TBC1D14: variants seen among roughly 807,000 people sequenced by gnomAD.
TBC1D14 encodes TBC1 domain family, member 14.
Under a neutral mutation model 79.0 loss-of-function variants are expected in TBC1D14, and 26 were observed. That is an observed-to-expected ratio of 0.33 (90% CI 0.24 to 0.46). TBC1D14 has a LOEUF of 0.46. TBC1D14 is among the 20% of genes least tolerant of loss of function. The pLI is 1.00. For missense variants in TBC1D14, 769 were observed against 887.6 expected, an observed-to-expected ratio of 0.87 and a Z score of 1.70; for synonymous variants, 394 against 349.9, an observed-to-expected ratio of 1.13 and a Z score of -1.40.
At chr4:6,922,673 C>T (rs1723958169) in intron 1 of TBC1D14, among the ~76,000 whole-genome samples, 1 of 152,104 alleles carries the variant, frequency 6.6e-6, no homozygotes, top group Admixed American at 6.5e-5. Context: ...CAAGTAGATC[C>T]TTGACTTATG....
chr4:6,914,794 C>T (rs1577448891), intron 1 of TBC1D14, among the ~76,000 whole-genome samples: 4 of 152,192 alleles, frequency 2.6e-5, no homozygotes, highest in Admixed American at 2.6e-4. Context: ...AATCCCAGCA[C>T]TTTGGGAGGC....
rs369023167 is a variant in TBC1D14 at position 6,973,676 on chromosome 4, C to T, written c.843+6252C>T. ...TTTTTTTTTCCCTTCCAATATTTCT[C>T]AGCCTGAACTCAGGCAGACCCAAAC... On this transcript the variant is annotated intron_variant, in intron 3 of 13. Coordinates refer to ENST00000409757, the MANE Select transcript of TBC1D14 (RefSeq NM_020773.3). Among the ~76,000 whole-genome samples the T allele has an allele frequency of 4.6e-5, 7 of 152,234 alleles. 1 individual carries two copies. In the East Asian group the frequency reaches 1.2e-3, roughly 25 times the overall value.
chr4:6,979,649 T>G (rs1190908075), intron 3 of TBC1D14, among the ~76,000 whole-genome samples: 1 of 152,146 alleles, frequency 6.6e-6, no homozygotes, highest in Non-Finnish European at 1.5e-5. Flanking sequence ...GACCCAACTA[T>G]GTATATGTTG....
chr4:7,024,062 T>C (rs1722094491), intron 12 of TBC1D14, among the ~76,000 whole-genome samples: 2 of 152,212 alleles, frequency 1.3e-5, no homozygotes, highest in African/African-American at 4.8e-5. Flanking sequence ...CCTCGGGACC[T>C]GGAGGACAGG....
intron 9 of TBC1D14, among the ~76,000 whole-genome samples, chr4:7,008,049 A>G (rs1417123969): frequency 1.3e-5 from 2 of 152,222 alleles, no homozygotes; most frequent in Non-Finnish European, 2.9e-5. Flanking sequence ...TAGTTTGTTC[A>G]TCTGTAACAG....
Position 6,929,390 on chromosome 4 carries a change from C to G in TBC1D14, c.722+5279C>G, listed in dbSNP as rs1711532935. 2.0e-5 allele frequency among the ~76,000 whole-genome samples: 3 copies of G among 152,300 alleles called. No individual in the cohort carries two copies. The South Asian group carries it at 6.2e-4, about 32-fold the overall frequency. ...GCTGGAGGCCACTGGGTCAGTCCCT[C>G]TACTGTGTGATGAGGATCTGGAGAG... On this transcript the variant is annotated intron_variant, in intron 2 of 13. Coordinates refer to ENST00000409757, the MANE Select transcript of TBC1D14 (RefSeq NM_020773.3).
At chr4:7,026,860 G>T (rs891847299) in intron 13 of TBC1D14, among the ~76,000 whole-genome samples, 1 of 152,112 alleles carries the variant, frequency 6.6e-6, no homozygotes, top group Non-Finnish European at 1.5e-5. Context: ...TTGCGGCACT[G>T]TGCTTCAGCC....
intron 1 of TBC1D14, among the ~76,000 whole-genome samples, chr4:6,919,054 A>G (rs537372438): frequency 6.6e-6 from 1 of 152,244 alleles, no homozygotes; most frequent in Admixed American, 6.5e-5. Context: ...GTTCACGCGT[A>G]GGGAGGCGAT....
chr4:6,987,471 A>C (rs566081407), intron 3 of TBC1D14: 12 of 967,248 alleles, frequency 1.2e-5, no homozygotes, highest in African/African-American at 1.2e-4. Flanking sequence ...GCGAGTGTGC[A>C]TGTGTGCGGT....
intron 3 of TBC1D14, among the ~76,000 whole-genome samples, chr4:6,972,855 A>G (rs1404585328): frequency 6.6e-6 from 1 of 152,206 alleles, no homozygotes; most frequent in Non-Finnish European, 1.5e-5. Context: ...ACCATTTAAA[A>G]AGTAAAAGTG....
intron 2 of TBC1D14, among the ~76,000 whole-genome samples, chr4:6,956,724 G>A (rs1714676146): frequency 1.3e-5 from 2 of 152,256 alleles, no homozygotes; most frequent in Admixed American, 6.5e-5. Flanking sequence ...CTCAGCCAAT[G>A]CAGGTGATAC....
At chr4:6,931,807 G>A (rs780568190) in intron 2 of TBC1D14, among the ~76,000 whole-genome samples, 29 of 152,042 alleles carry the variant, frequency 1.9e-4, no homozygotes, top group Non-Finnish European at 3.7e-4. Flanking sequence ...CCTGCCATAT[G>A]CCAAGGCACT....
At chr4:7,024,899 A>G (rs959288253) in intron 12 of TBC1D14, 105 bp from the exon 13 acceptor site, 3 of 1,503,812 alleles carry the variant, frequency 2.0e-6, no homozygotes, top group Non-Finnish European at 2.7e-6. Flanking sequence ...CTGTTGCCTG[A>G]AAGTGACTAG....
intron 12 of TBC1D14, among the ~76,000 whole-genome samples, chr4:7,022,643 C>CA (rs1320045936): frequency 6.6e-6 from 1 of 151,996 alleles, no homozygotes; most frequent in East Asian, 1.9e-4. Context: ...TAAGCATGGC[C>CA]AGGAGGTGGA....
chr4:6,925,314 C>T (rs1724205944), intron 2 of TBC1D14, among the ~76,000 whole-genome samples: 2 of 152,268 alleles, frequency 1.3e-5, no homozygotes, highest in South Asian at 4.1e-4. Flanking sequence ...TCCATAGCTG[C>T]TCTTTGGAGG....
At chr4:7,016,403 C>T (rs941449772) in intron 12 of TBC1D14, among the ~76,000 whole-genome samples, 6 of 152,206 alleles carry the variant, frequency 3.9e-5, no homozygotes, top group Admixed American at 1.3e-4. Context: ...GCTGCCCCAC[C>T]GTGTGCATTT....
intron 3 of TBC1D14, among the ~76,000 whole-genome samples, chr4:6,978,828 G>T (rs949222271): frequency 6.6e-6 from 1 of 151,948 alleles, no homozygotes; most frequent in Non-Finnish European, 1.5e-5. Flanking sequence ...TGTGCATGGG[G>T]TTCTTATTCC....
At position 6,923,705 on chromosome 4, in the gene TBC1D14, G is replaced by C; in HGVS notation, c.316G>C (p.Ala106Pro). 1 of 1,613,806 alleles carries C rather than the reference G, an allele frequency of 6.2e-7. No individual in the cohort carries two copies. Among genetic ancestry groups the C allele is most frequent in the East Asian group, 2.2e-5 (1 of 44,886 alleles). ...IPERAFQSAC[A>P]LPSCAPPAPS... is the part of the protein sequence containing the mutation. ...CGAGCGGGCCTTCCAGAGCGCCTGC[G>C]CGCTGCCATCCTGTGCGCCACCAGC... Residue 106 changes from alanine to proline, a missense_variant, in exon 2 of 14, where the codon GCG becomes CCG. Ala to Pro is a conservative substitution (Grantham distance 27, BLOSUM62 -1). Around this residue, in one of 2 missense-constraint regions of TBC1D14, gnomAD observed 402 missense variants for 393.2 expected, o/e 1.02. Transcript: ENST00000409757.
chr4:6,963,947 G>A (rs546809387), intron 2 of TBC1D14, among the ~76,000 whole-genome samples: 12 of 151,954 alleles, frequency 7.9e-5, no homozygotes, highest in Admixed American at 2.0e-4. Flanking sequence ...ACAGGCGTGC[G>A]CCACCACGCC....
Sources: allele counts gnomAD v4.1 joint callset (sites outside exome capture counted in the v4.1 genomes callset), GRCh38; gene constraint gnomAD v4.1.1; regional missense constraint gnomAD v4.1.1; transcripts MANE v1.5; gene names NCBI Gene and HGNC (gene_info 2026-07-23, HGNC 2026-07-21).